Variants in RNF6 observed in about 807,000 individuals in gnomAD.
RNF6 encodes ring finger protein 6, also known as E3 ubiquitin-protein ligase RNF6.
In RNF6, 21 loss-of-function variants were observed where a neutral mutation model predicts 50.1. The ratio of observed to expected loss-of-function variants is 0.42; its 90% CI spans 0.30 to 0.60. The LOEUF (loss-of-function observed/expected upper bound fraction) is 0.60. RNF6 is among the 20% of genes least tolerant of loss of function. RNF6 has a pLI of 0.20. For missense variants in RNF6, 698 were observed against 838.2 expected, an observed-to-expected ratio of 0.83 and a Z score of 2.07; for synonymous variants, 255 against 291.8, an observed-to-expected ratio of 0.87 and a Z score of 1.29.
At chr13:26,145,290 G>A (rs755208681) in intron 5 of RNF6, among the ~76,000 whole-genome samples, 3 of 152,160 alleles carry the variant, frequency 2.0e-5, no homozygotes, top group Non-Finnish European at 4.4e-5. Flanking sequence ...TTTGTCTTAC[G>A]CTCAGGTGAT....
intron 5 of RNF6, among the ~76,000 whole-genome samples, chr13:26,152,200 C>T (rs944571869): frequency 2.6e-5 from 4 of 152,154 alleles, no homozygotes; most frequent in Non-Finnish European, 4.4e-5. Flanking sequence ...GAATATGTAA[C>T]ACATTCAACA....
intron 5 of RNF6, among the ~76,000 whole-genome samples, chr13:26,204,940 T>C (rs1037485113): frequency 1.3e-5 from 2 of 152,182 alleles, no homozygotes; most frequent in African/African-American, 4.8e-5. Flanking sequence ...GCTATTAAAA[T>C]TATTGCAAGG....
chr13:26,169,042 C>T (rs983138493), intron 5 of RNF6, among the ~76,000 whole-genome samples: 4 of 152,134 alleles, frequency 2.6e-5, no homozygotes, highest in Admixed American at 6.5e-5. Context: ...CAGAAAGACA[C>T]GTTCACAGAT....
At position 26,217,546 on chromosome 13, in the gene RNF6, T is replaced by C. The variant is rs140629071; in HGVS notation, c.289+965A>G. 3.9e-5 allele frequency among the ~76,000 whole-genome samples: 6 copies of C among 152,334 alleles called. No individual in the cohort carries two copies. The East Asian group carries it at 1.2e-3, about 29-fold the overall frequency. ...CACGCTAGTGCGTGGACCTCCTTCC[T>C]ACCAGCTAGAACCTAGATATGGTTG... is the stretch of plus-strand genomic sequence containing the variant. On this transcript the variant is annotated intron_variant, in intron 4 of 4. Transcript: ENST00000381588.
At chr13:26,158,713 G>A (rs1872062243) in intron 5 of RNF6, among the ~76,000 whole-genome samples, 3 of 152,098 alleles carry the variant, frequency 2.0e-5, no homozygotes, top group Non-Finnish European at 2.9e-5. Context: ...GTAGGTGAAT[G>A]TCTGTGTGTG....
chr13:26,156,355 A>C (rs1038938939), intron 5 of RNF6, among the ~76,000 whole-genome samples: 1 of 152,210 alleles, frequency 6.6e-6, no homozygotes, highest in African/African-American at 2.4e-5. Flanking sequence ...CAGTTAATAC[A>C]TTGCTTACAT....
At chr13:26,195,569 C>T (rs1438412178) in intron 5 of RNF6, among the ~76,000 whole-genome samples, 1 of 152,126 alleles carries the variant, frequency 6.6e-6, no homozygotes, top group Non-Finnish European at 1.5e-5. Flanking sequence ...GGATAAATGC[C>T]AAACACAAAC....
chr13:26,157,011 A>G (rs1871961683), intron 5 of RNF6, among the ~76,000 whole-genome samples: 1 of 152,206 alleles, frequency 6.6e-6, no homozygotes, highest in South Asian at 2.1e-4. Context: ...GGAAAGATTT[A>G]AAGTTAAAAC....
At chr13:26,147,456 G>A (rs1871308631) in intron 5 of RNF6, among the ~76,000 whole-genome samples, 1 of 152,232 alleles carries the variant, frequency 6.6e-6, no homozygotes, top group South Asian at 2.1e-4. Context: ...TGTGTGTGGA[G>A]GAGCTGATAC....
At chr13:26,139,369 G>A (rs1870816008) in intron 5 of RNF6, among the ~76,000 whole-genome samples, 1 of 152,122 alleles carries the variant, frequency 6.6e-6, no homozygotes, top group Non-Finnish European at 1.5e-5. Context: ...TCTGGCCTAG[G>A]CTTTTCCCCT....
chr13:26,169,175 G>T (rs1303766035), intron 5 of RNF6, among the ~76,000 whole-genome samples: 1 of 152,150 alleles, frequency 6.6e-6, no homozygotes, highest in Non-Finnish European at 1.5e-5. Flanking sequence ...TGCATAGAAA[G>T]GGTTCCCTGC....
intron 5 of RNF6, among the ~76,000 whole-genome samples, chr13:26,179,727 C>T (rs183056491): frequency 1.4e-4 from 22 of 152,316 alleles, no homozygotes; most frequent in Non-Finnish European, 2.5e-4. Context: ...ACACACCCAG[C>T]GACCTCCTTG....
intron 5 of RNF6, among the ~76,000 whole-genome samples, chr13:26,172,684 C>T (rs1049142350): frequency 1.3e-5 from 2 of 152,116 alleles, no homozygotes; most frequent in African/African-American, 4.8e-5. Context: ...GCTGGCACTA[C>T]AGGTGCCCGC....
At chr13:26,175,688 G>A (rs1169564114) in intron 5 of RNF6, among the ~76,000 whole-genome samples, 1 of 152,152 alleles carries the variant, frequency 6.6e-6, no homozygotes, top group East Asian at 1.9e-4. Flanking sequence ...CCAGGACAGG[G>A]ATCCAAGAGG....
chr13:26,212,178 T>A (rs1344554192), downstream of RNF6, among the ~76,000 whole-genome samples: 2 of 152,176 alleles, frequency 1.3e-5, no homozygotes, highest in Non-Finnish European at 2.9e-5. Context: ...TCCTGGGCCA[T>A]GAAAAATGAT....
intron 5 of RNF6, among the ~76,000 whole-genome samples, chr13:26,199,768 AAG>A (rs966311797): frequency 9.9e-5 from 15 of 152,180 alleles, no homozygotes; most frequent in South Asian, 2.1e-4. Flanking sequence ...GAGACAGATG[AAG>A]ATACATTAAA....
chr13:26,214,760 T>C lies in RNF6; in HGVS notation c.1122A>G (p.Ser374=), dbSNP rs1410472800. Residue 374 remains serine, a synonymous_variant, in exon 5 of 5, where the codon TCA becomes TCG. Transcript: ENST00000381588. ...CTTCTCCTTCTTCTACTGTTATTCT[T>C]GACACAAGCCTTGAATTAGAGAATG... ...YTPFSNSRLV[S]RITVEEGEES... is the part of the protein sequence containing the mutation. 6.2e-7 allele frequency: 1 copy of C among 1,614,218 alleles called. No individual in the cohort carries two copies. The highest frequency in any genetic ancestry group is 1.7e-5 in the Admixed American group (1 of 60,028).
At chr13:26,209,359 T>C (rs568873057), downstream of RNF6, among the ~76,000 whole-genome samples, 131 of 152,338 alleles carry the variant, frequency 8.6e-4, no homozygotes, top group African/African-American at 3.0e-3. Flanking sequence ...ATGAGACCCA[T>C]TGTTTCTATC....
chr13:26,183,865 T>A (rs1044228292), intron 5 of RNF6, among the ~76,000 whole-genome samples: 29 of 139,546 alleles, frequency 2.1e-4, no homozygotes, highest in African/African-American at 3.0e-4. Flanking sequence ...TTATATATTT[T>A]TATATATATA....
Sources: gnomAD v4.1 joint callset for allele counts (sites outside exome capture counted in the v4.1 genomes callset) on GRCh38, gnomAD v4.1.1 for gene constraint, MANE v1.5 for transcripts, NCBI Gene and HGNC (gene_info 2026-07-23, HGNC 2026-07-21) for gene names.